CAMK4: variants seen among roughly 807,000 people sequenced by gnomAD.
CAMK4 encodes the protein calcium/calmodulin-dependent protein kinase type IV.
In CAMK4, 22 loss-of-function variants were observed where a neutral mutation model predicts 44.9. The ratio of observed to expected loss-of-function variants is 0.49; its 90% confidence interval spans 0.35 to 0.70. CAMK4 has a LOEUF of 0.70. CAMK4 is among the 30% of genes least tolerant of loss of function. CAMK4 has a pLI of 0.01. For synonymous variants in CAMK4, 218 were observed against 215.4 expected (o/e 1.01, Z -0.11); for missense variants, 498 against 586.8 (o/e 0.85, Z 1.56).
intron 5 of CAMK4, among the ~76,000 whole-genome samples, chr5:111,443,317 ATATATATATACTATATATAC>A (rs1375728529): frequency 1.6e-5 from 2 of 127,660 alleles, no homozygotes; most frequent in Non-Finnish European, 3.3e-5. Context: ...CACACACACT[ATATATATATACTATATATAC>A]TATATATATA....
At chr5:111,396,688 T>G (rs942629865) in intron 5 of CAMK4, among the ~76,000 whole-genome samples, 1 of 123,386 alleles carries the variant, frequency 8.1e-6, no homozygotes, top group Non-Finnish European at 1.6e-5. Context: ...TCACCCAGGC[T>G]GGAGTGCAAT....
At chr5:111,413,911 A>G in intron 5 of CAMK4, among the ~76,000 whole-genome samples, 1 of 152,072 alleles carries the variant, frequency 6.6e-6, no homozygotes, top group East Asian at 1.9e-4. Context: ...AAATGTATAA[A>G]AAGTGTCATA....
intron 2 of CAMK4, among the ~76,000 whole-genome samples, 191 bp downstream of exon 2, chr5:111,344,293 G>A (rs948522629): frequency 6.6e-6 from 1 of 151,688 alleles, no homozygotes; most frequent in African/African-American, 2.4e-5. Flanking sequence ...AAAGCAGCTG[G>A]ATCTCAGATT....
intron 1 of CAMK4, among the ~76,000 whole-genome samples, chr5:111,230,516 C>T (rs537475600): frequency 6.6e-6 from 1 of 151,706 alleles, no homozygotes; most frequent in African/African-American, 2.4e-5. Context: ...CACTACTTTT[C>T]CATGTTTAAA....
At chr5:111,230,089 G>A (rs1294622933) in intron 1 of CAMK4, among the ~76,000 whole-genome samples, 1 of 152,112 alleles carries the variant, frequency 6.6e-6, no homozygotes, top group African/African-American at 2.4e-5. Flanking sequence ...ATGTCGTAGT[G>A]ATATTGATTC....
At chr5:111,238,757 C>T (rs1050914023) in intron 1 of CAMK4, among the ~76,000 whole-genome samples, 6 of 141,178 alleles carry the variant, frequency 4.2e-5, no homozygotes, top group African/African-American at 1.3e-4. Flanking sequence ...AGGAGTAAAG[C>T]TCCTTACTTG....
intron 5 of CAMK4, among the ~76,000 whole-genome samples, chr5:111,440,476 G>T (rs1388634637): frequency 3.3e-5 from 5 of 151,848 alleles, no homozygotes; most frequent in Non-Finnish European, 5.9e-5. Context: ...CTTTCTTACT[G>T]TAAACTATAA....
Position 111,249,660 on chromosome 5 carries a change from A to G in CAMK4, c.161+25016A>G, listed in dbSNP as rs201966571. Among the ~76,000 whole-genome samples, 76 of 115,620 alleles carry G rather than the reference A, an allele frequency of 6.6e-4. 1 individual carries two copies. The highest frequency in any genetic ancestry group is 1.8e-3 in the African/African-American group (58 of 32,606). The allele number at this position is 115,620 out of a possible 152,430, so 75.9% of individuals were successfully genotyped here. A position where few individuals can be genotyped will look rare whatever the true frequency, so the allele number is the denominator to read the frequency against. The stretch of plus-strand genomic sequence containing the variant: ...TATATATATATGTGTGTGTGTGTGT[A>G]TATATATGTGTGTGTGTGTGTGTGT... On this transcript the variant is annotated intron_variant, in intron 1 of 10. Coordinates refer to ENST00000282356, the MANE Select transcript of CAMK4 (RefSeq NM_001744.6).
intron 1 of CAMK4, among the ~76,000 whole-genome samples, chr5:111,281,609 A>T (rs985745087): frequency 1.1e-4 from 16 of 152,178 alleles, no homozygotes; most frequent in Non-Finnish European, 2.1e-4. Flanking sequence ...TGGGTTATGT[A>T]ATGAGAAGAT....
In CAMK4 at chr5:111,318,671, G is replaced by A. The variant is rs187642002; in HGVS notation, c.162-25353G>A. Among the ~76,000 whole-genome samples, 691 of 152,194 alleles carry A rather than the reference G, an allele frequency of 4.5e-3. 7 individuals are homozygous for A. The highest frequency in any genetic ancestry group is 0.016 in the African/African-American group (659 of 41,530). On this transcript the variant is annotated intron_variant, in intron 1 of 10. Coordinates refer to ENST00000282356, the MANE Select transcript of CAMK4 (RefSeq NM_001744.6). ...GTCTCTTAAATTGTAATGAAATGTC[G>A]CTAATGTCACTTCTGGCCTTAATGA...
chr5:111,239,024 A>G (rs535797894), intron 1 of CAMK4, among the ~76,000 whole-genome samples: 1 of 151,282 alleles, frequency 6.6e-6, no homozygotes, highest in East Asian at 1.9e-4. Flanking sequence ...TTATTTCCTC[A>G]GCAGCTGGCA....
At chr5:111,339,634 T>C (rs534279683) in intron 1 of CAMK4, among the ~76,000 whole-genome samples, 7 of 151,670 alleles carry the variant, frequency 4.6e-5, no homozygotes, top group African/African-American at 1.2e-4. Flanking sequence ...TATAGCTTTG[T>C]AGTAGATTTT....
At chr5:111,442,609 C>T (rs898114999) in intron 5 of CAMK4, among the ~76,000 whole-genome samples, 1 of 149,714 alleles carries the variant, frequency 6.7e-6, no homozygotes, top group Non-Finnish European at 1.5e-5. Context: ...TTATACCAGA[C>T]AATGCAGAAG....
intron 1 of CAMK4, among the ~76,000 whole-genome samples, chr5:111,323,992 C>T (rs1378292502): frequency 1.3e-5 from 2 of 151,972 alleles, no homozygotes; most frequent in South Asian, 2.1e-4. Context: ...AATGGAATTA[C>T]TGTTTTAAGA....
At chr5:111,474,895 G>T (rs982041973) in intron 8 of CAMK4, among the ~76,000 whole-genome samples, 2 of 152,176 alleles carry the variant, frequency 1.3e-5, no homozygotes, top group African/African-American at 2.4e-5. Flanking sequence ...GGGCACAGTG[G>T]CTCACACCTG....
At chr5:111,332,513 T>G (rs1048697114) in intron 1 of CAMK4, among the ~76,000 whole-genome samples, 2 of 151,578 alleles carry the variant, frequency 1.3e-5, no homozygotes, top group Non-Finnish European at 2.9e-5. Context: ...AAGTCTTTGC[T>G]ATTGTGAGTA....
At chr5:111,243,598 T>C (rs532448415) in intron 1 of CAMK4, among the ~76,000 whole-genome samples, 1 of 152,338 alleles carries the variant, frequency 6.6e-6, no homozygotes, top group Admixed American at 6.5e-5. Context: ...CTGGAAATTT[T>C]ACTAGCCCTA....
chr5:111,472,084 A>C (rs545720347), intron 7 of CAMK4, among the ~76,000 whole-genome samples: 3 of 151,866 alleles, frequency 2.0e-5, no homozygotes, highest in Non-Finnish European at 1.5e-5. Context: ...TAGTAGAGAC[A>C]GGGTTTCACC....
chr5:111,362,244 G>C (rs563382279), intron 2 of CAMK4, among the ~76,000 whole-genome samples: 133 of 152,108 alleles, frequency 8.7e-4, no homozygotes, highest in Non-Finnish European at 1.3e-3. Context: ...AAATGATCAA[G>C]CCAGGATTCA....
Sources: gnomAD v4.1 joint callset for allele counts (sites outside exome capture counted in the v4.1 genomes callset) on GRCh38, gnomAD v4.1.1 for gene constraint, MANE v1.5 for transcripts, NCBI Gene and HGNC (gene_info 2026-07-23, HGNC 2026-07-21) for gene names.